The following CEP295 variants were observed in gnomAD, a reference collection of about 807,000 sequenced individuals.
CEP295 encodes centrosomal protein of 295 kDa.
A neutral mutation model predicts 291.6 loss-of-function variants in CEP295; 190 were observed. The ratio of observed to expected loss-of-function variants is 0.65; its 90% CI spans 0.58 to 0.73. The LOEUF (loss-of-function observed/expected upper bound fraction) is 0.73. CEP295 is among the 30% of genes least tolerant of loss of function. The pLI is 0.00. For synonymous variants in CEP295, 993 were observed against 1,038.8 expected, an observed-to-expected ratio of 0.96 and a Z score of 0.85; for missense variants, 2,863 against 2,949.4, an observed-to-expected ratio of 0.97 and a Z score of 0.68.
At chr11:93,680,956 A>G (rs923349194) in intron 7 of CEP295, among the ~76,000 whole-genome samples, 1 of 152,222 alleles carries the variant, frequency 6.6e-6, no homozygotes, top group African/African-American at 2.4e-5. Flanking sequence ...CTTCTCCCTT[A>G]AATTTTTAGC....
intron 7 of CEP295, among the ~76,000 whole-genome samples, chr11:93,682,915 C>T (rs1048842890): frequency 2.0e-5 from 3 of 152,182 alleles, no homozygotes; most frequent in Non-Finnish European, 4.4e-5. Flanking sequence ...ATCCTTATCC[C>T]ATCCCAAGGA....
rs193280654 is a variant in CEP295, at chr11:93,677,912, T to G, written c.625-1500T>G. The stretch of plus-strand genomic sequence containing the variant: ...ATTTCAACCAGATTTATGGTTATGT[T>G]TTTAATTGCATTGACACAAATCTAT... On this transcript the variant is annotated intron_variant, in intron 6 of 29. Transcript: ENST00000325212. 5.9e-5 allele frequency among the ~76,000 whole-genome samples: 9 copies of G among 152,358 alleles called. No individual in the cohort carries two copies. The East Asian group carries it at 1.7e-3, about 29-fold the overall frequency.
chr11:93,708,798 C>T (rs1952694837), intron 18 of CEP295, among the ~76,000 whole-genome samples: 1 of 152,176 alleles, frequency 6.6e-6, no homozygotes, highest in Non-Finnish European at 1.5e-5. Flanking sequence ...CACATCTTTG[C>T]AAAACATTCA....
At position 93,724,263 on chromosome 11, in the gene CEP295, A is replaced by C; in HGVS notation, c.6206A>C (p.His2069Pro). Residue 2069 changes from histidine to proline, a missense_variant, in exon 22 of 30, where the codon CAC (histidine) becomes CCC (proline). Around this residue, in one of 3 missense-constraint regions of CEP295, gnomAD observed 2,295 missense variants for 2,335.7 expected, o/e 0.98. Coordinates refer to ENST00000325212, the MANE Select transcript of CEP295 (RefSeq NM_033395.2). ...PEKTDLQELE[H>P]IFPNLHHQLF... ...GACCTTGACTTTCCAGAATTGGAAC[A>C]CATTTTTCCTAATTTGCATCATCAG... The C allele has an allele frequency of 6.5e-7, 1 of 1,547,478 alleles. No individual in the cohort carries two copies. The highest frequency in any genetic ancestry group is 8.7e-7 in the Non-Finnish European group (1 of 1,145,952).
chr11:93,721,343 T>G lies in CEP295; in HGVS notation c.5781T>G (p.His1927Gln), dbSNP rs780397532. The change falls in exon 19 of 30, where the codon CAT becomes CAG. Residue 1927 changes from histidine to glutamine, a missense_variant. By Grantham distance (24) the His-to-Gln change is conservative. This residue lies in a region of CEP295 where 2,295 missense variants were observed against 2,335.7 expected (regional missense o/e 0.98). Transcript: ENST00000325212. The part of the protein sequence containing the change: ...VKLKESVVEN[H>Q]AVLSYAVEEE... ...TGAAGGAATCTGTTGTTGAAAATCATGCAGTGTTAAGTTATGCTGTGGAGG... is the reference window on the plus strand; with the variant it reads ...TGAAGGAATCTGTTGTTGAAAATCAGGCAGTGTTAAGTTATGCTGTGGAGG... 5 of 1,556,282 alleles carry G rather than the reference T, an allele frequency of 3.2e-6. No individual in the cohort carries two copies. The Admixed American group carries it at 7.8e-5, about 24-fold the overall frequency.
chr11:93,697,830 T>C lies in CEP295; in HGVS notation c.2918T>C (p.Val973Ala). ...SLQARREAQE[V>A]LYVHKQSELD... ...CAGGCTAGGCGAGAAGCCCAGGAAGTATTGTATGTACATAAACAGAGTGAA... is the reference window on the plus strand; with the variant it reads ...CAGGCTAGGCGAGAAGCCCAGGAAGCATTGTATGTACATAAACAGAGTGAA... Residue 973 changes from valine to alanine, a missense_variant, in exon 15 of 30, where the codon GTA (valine) becomes GCA (alanine). Transcript: ENST00000325212. 1 of 1,551,634 alleles carries C rather than the reference T, an allele frequency of 6.4e-7. No individual in the cohort carries two copies. Among genetic ancestry groups the C allele is most frequent in the Non-Finnish European group, 8.7e-7 (1 of 1,146,950 alleles).
intron 1 of CEP295, among the ~76,000 whole-genome samples, chr11:93,666,431 T>TA (rs1310147170): frequency 2.0e-5 from 3 of 152,026 alleles, no homozygotes; most frequent in African/African-American, 7.2e-5. Context: ...CCATCTCTAC[T>TA]AAAAATACAT....
chr11:93,726,750 G>A, intron 23 of CEP295: 1 of 399,714 alleles, frequency 2.5e-6, no homozygotes, highest in Non-Finnish European at 4.4e-6. Context: ...TAGCCATATT[G>A]TCCTTATTAA....
At chr11:93,676,642 C>T (rs567916444) in intron 6 of CEP295, among the ~76,000 whole-genome samples, 7 of 151,802 alleles carry the variant, frequency 4.6e-5, no homozygotes, top group Non-Finnish European at 7.4e-5. Context: ...ATTACAGTTT[C>T]GATATTATGA....
chr11:93,693,127 A>T (rs1381956366), intron 12 of CEP295, among the ~76,000 whole-genome samples: 1 of 151,600 alleles, frequency 6.6e-6, no homozygotes, highest in Non-Finnish European at 1.5e-5. Flanking sequence ...AATACAAAAA[A>T]TTAGCTGGGC....
chr11:93,696,028 GATATA>G (rs1434553134), intron 13 of CEP295, among the ~76,000 whole-genome samples: 1 of 151,962 alleles, frequency 6.6e-6, no homozygotes, highest in Non-Finnish European at 1.5e-5. Context: ...GTCTTTTTTT[GATATA>G]ATGTATGTAT....
Position 93,723,679 on chromosome 11 carries a change from A to G in CEP295, c.6196+390A>G, listed in dbSNP as rs191059286. 6.2e-3 allele frequency: 1,051 copies of G among 169,042 alleles called. 7 individuals carry two copies. The highest frequency in any genetic ancestry group is 9.7e-3 in the Non-Finnish European group (762 of 78,760). The allele number at this position is 169,042 out of a possible 1,614,324, so 10.5% of individuals were successfully genotyped here. On this transcript the variant is annotated intron_variant, in intron 21 of 29. Transcript: ENST00000325212. The stretch of plus-strand genomic sequence containing the variant: ...TAATCTTTTATAAAAGAGGAATATT[A>G]TAGATTAAATGAGATAGTGCACATA...
intron 6 of CEP295, among the ~76,000 whole-genome samples, chr11:93,676,890 A>G (rs749303531): frequency 1.3e-5 from 2 of 152,092 alleles, no homozygotes; most frequent in South Asian, 2.1e-4. Flanking sequence ...ATCAGTAGTT[A>G]TAATGATAAA....
In CEP295 at chr11:93,700,061, CA is replaced by C; in HGVS notation, c.5152del (p.Arg1718GlufsTer33). ...GGGACTTCAGAAACAGTTGGATCTA[CA>C]AAGAGAAGTTCTGCATTATAGCCAG... The part of the protein sequence containing the change: ...NLGLQKQLDL[Q>X]REVLHYSQKA... On this transcript the variant is annotated frameshift_variant, in exon 15 of 30. Coordinates refer to ENST00000325212, the MANE Select transcript of CEP295 (RefSeq NM_033395.2). LOFTEE classifies it high-confidence loss of function. The C allele has an allele frequency of 6.4e-7, 1 of 1,551,780 alleles. No individual in the cohort carries two copies. The highest frequency in any genetic ancestry group is 8.7e-7 in the Non-Finnish European group (1 of 1,147,012).
At chr11:93,728,977 C>G (rs764245557) in intron 25 of CEP295, 156 bp downstream of exon 25, 1 of 624,494 alleles carries the variant, frequency 1.6e-6, no homozygotes, top group Non-Finnish European at 2.7e-6. Context: ...TAAACCTTCA[C>G]TATTCTGTCA....
chr11:93,665,269 T>C (rs1381517628), intron 1 of CEP295, among the ~76,000 whole-genome samples: 1 of 152,270 alleles, frequency 6.6e-6, no homozygotes, highest in Non-Finnish European at 1.5e-5. Context: ...CCAGTTAATA[T>C]CAGAATTACC....
At position 93,689,995 on chromosome 11, in the gene CEP295, G is replaced by C. The variant is rs1375536322; in HGVS notation, c.1337-1688G>C. Among the ~76,000 whole-genome samples the C allele has an allele frequency of 1.1e-4, 17 of 152,316 alleles. 1 individual carries two copies. In the South Asian group the frequency reaches 3.5e-3, roughly 32 times the overall value. On this transcript the variant is annotated intron_variant, in intron 10 of 29. Coordinates refer to ENST00000325212, the MANE Select transcript of CEP295 (RefSeq NM_033395.2). The stretch of plus-strand genomic sequence containing the variant: ...ATCTGAGGGATTCCAACATCTAGAA[G>C]ATGGCTAGAGAAAGGGCAGATAGCA...
At position 93,729,522 on chromosome 11, in the gene CEP295, C is replaced by CTT; in HGVS notation, c.7391_7392insTT (p.Ser2465TyrfsTer21). 2 of 1,551,346 alleles carry CTT rather than the reference C, an allele frequency of 1.3e-6. No homozygotes were observed. Among genetic ancestry groups the CTT allele is most frequent in the Non-Finnish European group, 1.7e-6 (2 of 1,146,526 alleles). On this transcript the variant is annotated frameshift_variant, in exon 26 of 30. Transcript: ENST00000325212. LOFTEE classifies it high-confidence loss of function. ...CTTTCCATAGAAAAACCAAGGACAGCATCTACAGGTAAGCCTTGGACGGCC... is the reference window on the plus strand; with the variant it reads ...CTTTCCATAGAAAAACCAAGGACAGCTTATCTACAGGTAAGCCTTGGACGGCC...
chr11:93,707,477 A>G (rs1309034365), intron 18 of CEP295, among the ~76,000 whole-genome samples: 3 of 152,184 alleles, frequency 2.0e-5, no homozygotes, highest in Non-Finnish European at 4.4e-5. Flanking sequence ...AAGAAGTTAC[A>G]TTTTGGCCGG....
Sources: allele counts gnomAD v4.1 joint callset (sites outside exome capture counted in the v4.1 genomes callset), GRCh38; gene constraint gnomAD v4.1.1; regional missense constraint gnomAD v4.1.1; transcripts MANE v1.5; gene names NCBI Gene and HGNC (gene_info 2026-07-23, HGNC 2026-07-21).